The following TAOK1 variants were observed in gnomAD, a reference collection of about 807,000 sequenced individuals.
TAOK1 encodes serine/threonine-protein kinase TAO1.
Under a neutral mutation model 138.3 loss-of-function variants are expected in TAOK1, and 21 were observed. The observed-to-expected ratio is 0.15, with a 90% CI of 0.11 to 0.22. The LOEUF is 0.22. Ranked by LOEUF, TAOK1 falls within the 10% of genes least tolerant of loss-of-function variation. TAOK1 has a pLI of 1.00. For synonymous variants in TAOK1, 361 were observed against 398.4 expected, an observed-to-expected ratio of 0.91 and a Z score of 1.12; for missense variants, 651 against 1,227.7, an observed-to-expected ratio of 0.53 and a Z score of 7.02.
intron 16 of TAOK1, among the ~76,000 whole-genome samples, chr17:29,521,872 G>A (rs1304127158): frequency 2.6e-5 from 4 of 152,166 alleles, no homozygotes; most frequent in Admixed American, 2.6e-4. Flanking sequence ...ATGAGCCACC[G>A]CGCCCAGCTG....
chr17:29,508,183 A>C (rs1238613502), intron 14 of TAOK1, 51 bp downstream of exon 14: 2 of 1,507,716 alleles, frequency 1.3e-6, no homozygotes, highest in Non-Finnish European at 9.2e-7. Flanking sequence ...TGAATGTCTC[A>C]GAATTAACCA....
intron 18 of TAOK1, among the ~76,000 whole-genome samples, chr17:29,532,998 A>ACCCC (rs2032150491): frequency 1.0e-3 from 2 of 1,960 alleles, no homozygotes; most frequent in South Asian, 0.012. Context: ...TGACCCCCCC[A>ACCCC]CCTCCAACCG....
intron 12 of TAOK1, among the ~76,000 whole-genome samples, chr17:29,499,465 C>T (rs2031473798): frequency 6.6e-6 from 1 of 151,936 alleles, no homozygotes; most frequent in African/African-American, 2.4e-5. Context: ...CTCCTGACCT[C>T]AAGTGATCCA....
At chr17:29,535,157 A>T (rs758078459) in intron 19 of TAOK1, among the ~76,000 whole-genome samples, 1 of 151,544 alleles carries the variant, frequency 6.6e-6, no homozygotes, top group African/African-American at 2.4e-5. Flanking sequence ...ACAAATATTT[A>T]AAAATTAGCT....
chr17:29,540,577 A>T (rs1490078996), intron 19 of TAOK1, among the ~76,000 whole-genome samples: 1 of 144,754 alleles, frequency 6.9e-6, no homozygotes, highest in Non-Finnish European at 1.5e-5. Context: ...TTTTGTTTTT[A>T]TTTTTGTTTT....
At chr17:29,497,915 T>C (rs1485636597) in intron 11 of TAOK1, among the ~76,000 whole-genome samples, 1 of 148,960 alleles carries the variant, frequency 6.7e-6, no homozygotes, top group East Asian at 1.9e-4. Context: ...AGCCAGTGCT[T>C]TTTTTTTTTA....
chr17:29,499,715 A>G (rs1567736119), intron 12 of TAOK1, among the ~76,000 whole-genome samples: 3 of 151,310 alleles, frequency 2.0e-5, no homozygotes, highest in Admixed American at 6.6e-5. Flanking sequence ...GTGCACCACT[A>G]TGCCCAGCTA....
chr17:29,544,779 T>A lies in TAOK1; in HGVS notation c.*1757T>A, dbSNP rs995042438. ...CCTTCCAAGTTGTCTTGAAGAATCCTTGCTGCTAACTCTGGATCCTGCTTT... is the reference window on the plus strand; with the variant it reads ...CCTTCCAAGTTGTCTTGAAGAATCCATGCTGCTAACTCTGGATCCTGCTTT... On this transcript the variant is annotated 3_prime_UTR_variant, in exon 20 of 20. Transcript: ENST00000261716. 6.6e-6 allele frequency: 1 copy of A among 152,222 alleles called. No homozygotes were observed. Among genetic ancestry groups the A allele is most frequent in the African/African-American group, 2.4e-5 (1 of 41,454 alleles). The allele number at this position is 152,222 out of a possible 1,614,324, so 9.4% of individuals were successfully genotyped here. A position where few individuals can be genotyped will look rare whatever the true frequency, so the allele number is the denominator to read the frequency against.
At chr17:29,448,807 G>A (rs753542293) in intron 1 of TAOK1, among the ~76,000 whole-genome samples, 1 of 152,170 alleles carries the variant, frequency 6.6e-6, no homozygotes, top group Non-Finnish European at 1.5e-5. Context: ...TATAATAACT[G>A]TAGATGGTAA....
intron 1 of TAOK1, among the ~76,000 whole-genome samples, chr17:29,419,641 A>G (rs779942594): frequency 6.6e-6 from 1 of 151,572 alleles, no homozygotes; most frequent in Admixed American, 6.6e-5. Context: ...ACAGGCACAC[A>G]CCACCACGCC....
chr17:29,424,263 C>T (rs533390941), intron 1 of TAOK1, among the ~76,000 whole-genome samples: 137 of 151,352 alleles, frequency 9.1e-4, no homozygotes, highest in African/African-American at 3.2e-3. Context: ...GGTGAAACCT[C>T]GTCTTTACTA....
Position 29,551,803 on chromosome 17 carries a change from AAAC to A in TAOK1, c.*8784_*8786del, listed in dbSNP as rs1402563333. 1 of 152,658 alleles carries A rather than the reference AAAC, an allele frequency of 6.6e-6. No homozygotes were observed. Among genetic ancestry groups the A allele is most frequent in the African/African-American group, 2.4e-5 (1 of 41,462 alleles). 9.5% of individuals were successfully genotyped at this position (152,658 alleles called of 1,614,324 possible). ...CCAAGTTGTCAGAACATAAGAGCGAAAACAAGGTCATATGTAATATTTTGTTTG... is the reference window on the plus strand; with the variant it reads ...CCAAGTTGTCAGAACATAAGAGCGAAAAGGTCATATGTAATATTTTGTTTG... On this transcript the variant is annotated 3_prime_UTR_variant, in exon 20 of 20. Coordinates refer to ENST00000261716, the MANE Select transcript of TAOK1 (RefSeq NM_020791.4).
intron 8 of TAOK1, among the ~76,000 whole-genome samples, chr17:29,483,266 C>T (rs1344400578): frequency 6.6e-6 from 1 of 151,920 alleles, no homozygotes; most frequent in African/African-American, 2.4e-5. Flanking sequence ...TTAGCAGAGA[C>T]AGGGTTTCGC....
intron 3 of TAOK1, among the ~76,000 whole-genome samples, chr17:29,474,928 GTTAT>G (rs912880909): frequency 3.3e-5 from 5 of 151,740 alleles, no homozygotes; most frequent in African/African-American, 1.2e-4. Context: ...GTATATGAAT[GTTAT>G]TTATTTATTT....
intron 2 of TAOK1, among the ~76,000 whole-genome samples, chr17:29,460,363 T>A (rs2030502623): frequency 6.6e-6 from 1 of 152,192 alleles, no homozygotes; most frequent in African/African-American, 2.4e-5. Flanking sequence ...GGCTAATTTT[T>A]GTATTTTTAG....
intron 19 of TAOK1, among the ~76,000 whole-genome samples, chr17:29,540,634 T>C (rs2032299893): frequency 6.6e-6 from 1 of 151,732 alleles, no homozygotes; most frequent in African/African-American, 2.4e-5. Context: ...GCAATGGTGC[T>C]ATCTCTTCTC....
chr17:29,452,795 T>C (rs960221384), intron 2 of TAOK1, among the ~76,000 whole-genome samples: 1 of 152,258 alleles, frequency 6.6e-6, no homozygotes, highest in Non-Finnish European at 1.5e-5. Context: ...TTCATCCATA[T>C]TGCAGTATCT....
intron 2 of TAOK1, 40 bp downstream of exon 2, chr17:29,451,720 T>C (rs760631873): frequency 6.3e-7 from 1 of 1,597,252 alleles, no homozygotes; most frequent in South Asian, 1.1e-5. Context: ...TAAAATTTAC[T>C]TAATGTCCAC....
intron 3 of TAOK1, among the ~76,000 whole-genome samples, chr17:29,472,513 A>G (rs2030844331): frequency 6.6e-6 from 1 of 151,004 alleles, no homozygotes; most frequent in African/African-American, 2.4e-5. Flanking sequence ...TCGGCCTCCC[A>G]AAGTGTTGGG....
Sources: gnomAD v4.1 joint callset for allele counts (sites outside exome capture counted in the v4.1 genomes callset) on GRCh38, gnomAD v4.1.1 for gene constraint, MANE v1.5 for transcripts, NCBI Gene and HGNC (gene_info 2026-07-23, HGNC 2026-07-21) for gene names.